The following KCND3 variants were observed in gnomAD, a reference collection of about 807,000 sequenced individuals.
The protein encoded by KCND3 is A-type voltage-gated potassium channel KCND3.
KCND3 carries 9 observed loss-of-function variants against 51.1 expected under a neutral mutation model. The ratio of observed to expected loss-of-function variants is 0.18; its 90% CI spans 0.11 to 0.31. The LOEUF (loss-of-function observed/expected upper bound fraction) is 0.31. Ranked by LOEUF, KCND3 falls within the 10% of genes least tolerant of loss-of-function variation. KCND3 has a pLI of 1.00. For synonymous variants in KCND3, 349 were observed against 368.0 expected (o/e 0.95, Z 0.59); for missense variants, 526 against 903.8 (o/e 0.58, Z 5.36).
intron 2 of KCND3, among the ~76,000 whole-genome samples, chr1:111,835,121 G>A (rs897087919): frequency 6.6e-6 from 1 of 152,310 alleles, no homozygotes; most frequent in Non-Finnish European, 1.5e-5. Flanking sequence ...AGCGCTGGGG[G>A]CCAGGGATCT....
chr1:111,866,682 G>C (rs2101703942), intron 2 of KCND3, among the ~76,000 whole-genome samples: 1 of 151,538 alleles, frequency 6.6e-6, no homozygotes, highest in South Asian at 2.1e-4. Context: ...CTGTAGTCCT[G>C]GTTACTCAGG....
chr1:111,872,745 G>T (rs945740502), intron 2 of KCND3, among the ~76,000 whole-genome samples: 1 of 152,138 alleles, frequency 6.6e-6, no homozygotes, highest in Non-Finnish European at 1.5e-5. Flanking sequence ...AAAAGAGGCC[G>T]TGAGAGAGAA....
At chr1:111,957,729 G>T (rs1673410947) in intron 2 of KCND3, among the ~76,000 whole-genome samples, 2 of 152,136 alleles carry the variant, frequency 1.3e-5, no homozygotes, top group African/African-American at 2.4e-5. Flanking sequence ...CCATGGCTGT[G>T]GGCCAGATCT....
intron 2 of KCND3, among the ~76,000 whole-genome samples, chr1:111,904,823 C>T (rs939445363): frequency 1.4e-4 from 22 of 152,222 alleles, no homozygotes; most frequent in Middle Eastern, 6.8e-3. Flanking sequence ...CACAGTGGAG[C>T]GGGGAGGGGA....
intron 2 of KCND3, among the ~76,000 whole-genome samples, chr1:111,960,407 C>T (rs1169918064): frequency 6.6e-6 from 1 of 152,232 alleles, no homozygotes; most frequent in Admixed American, 6.5e-5. Context: ...GTATTTAGCA[C>T]ATTCCTCCAA....
chr1:111,945,189 C>A (rs1325100418), intron 2 of KCND3, among the ~76,000 whole-genome samples: 2 of 152,212 alleles, frequency 1.3e-5, no homozygotes, highest in Non-Finnish European at 2.9e-5. Flanking sequence ...TCCTGCAGGG[C>A]AGATGATTTG....
intron 2 of KCND3, among the ~76,000 whole-genome samples, chr1:111,941,232 C>T (rs1055000864): frequency 2.0e-5 from 3 of 152,102 alleles, no homozygotes; most frequent in Non-Finnish European, 2.9e-5. Flanking sequence ...TGCTAGGCAC[C>T]CAGAAAAGCC....
intron 2 of KCND3, among the ~76,000 whole-genome samples, chr1:111,962,502 C>T (rs980860619): frequency 1.4e-4 from 21 of 152,152 alleles, no homozygotes; most frequent in African/African-American, 5.1e-4. Flanking sequence ...CACTACCTTC[C>T]CCAACCCCAA....
intron 2 of KCND3, among the ~76,000 whole-genome samples, chr1:111,926,263 A>G (rs1671692067): frequency 6.6e-6 from 1 of 152,230 alleles, no homozygotes. Flanking sequence ...GTGATGGTAC[A>G]TAAGAACAAC....
intron 2 of KCND3, among the ~76,000 whole-genome samples, chr1:111,938,549 G>A (rs1371062119): frequency 6.6e-6 from 1 of 152,192 alleles, no homozygotes; most frequent in Non-Finnish European, 1.5e-5. Flanking sequence ...GAAGGGGATA[G>A]AGACAGCGGC....
intron 2 of KCND3, among the ~76,000 whole-genome samples, chr1:111,832,364 T>C (rs1666873198): frequency 6.6e-6 from 1 of 152,180 alleles, no homozygotes; most frequent in South Asian, 2.1e-4. Flanking sequence ...TCTTCTTTTG[T>C]TCTTTTTCTG....
intron 2 of KCND3, among the ~76,000 whole-genome samples, chr1:111,793,115 T>G (rs1017298309): frequency 6.6e-6 from 1 of 151,452 alleles, no homozygotes; most frequent in African/African-American, 2.4e-5. Context: ...TCCTTCTATT[T>G]TGGCCTCTCA....
At chr1:111,912,972 T>TTA (rs1464537823) in intron 2 of KCND3, among the ~76,000 whole-genome samples, 1 of 152,198 alleles carries the variant, frequency 6.6e-6, no homozygotes, top group Non-Finnish European at 1.5e-5. Flanking sequence ...TGTACAATGT[T>TTA]TATAAAGTCC....
chr1:111,814,551 A>G lies in KCND3; in HGVS notation c.1107-27445T>C, dbSNP rs76431397. 2.0e-3 allele frequency among the ~76,000 whole-genome samples: 303 copies of G among 152,376 alleles called. 3 individuals are homozygous for G. Among genetic ancestry groups the G allele is most frequent in the African/African-American group, 6.6e-3 (275 of 41,584 alleles). On this transcript the variant is annotated intron_variant, in intron 2 of 7. Coordinates refer to ENST00000302127, the MANE Select transcript of KCND3 (RefSeq NM_001378969.1). ...GTGCTCGGTAGATACATGCACTGCC[A>G]GGGATTAACTGAGCGATGAGTAACT...
intron 2 of KCND3, among the ~76,000 whole-genome samples, chr1:111,918,904 T>G (rs1295982923): frequency 6.6e-6 from 1 of 151,886 alleles, no homozygotes; most frequent in African/African-American, 2.4e-5. Flanking sequence ...TTTTTACATC[T>G]TAAATGACTG....
intron 2 of KCND3, among the ~76,000 whole-genome samples, chr1:111,935,641 C>G (rs1444186838): frequency 6.6e-6 from 1 of 152,304 alleles, no homozygotes; most frequent in East Asian, 1.9e-4. Flanking sequence ...TTGCTGAACA[C>G]TCAAGTGTGC....
At chr1:111,856,226 G>A (rs540039905) in intron 2 of KCND3, among the ~76,000 whole-genome samples, 2 of 152,376 alleles carry the variant, frequency 1.3e-5, no homozygotes, top group African/African-American at 4.8e-5. Context: ...GGGCATGGAT[G>A]TGGGGTGGGG....
intron 2 of KCND3, among the ~76,000 whole-genome samples, chr1:111,827,754 C>G (rs1257528154): frequency 6.6e-6 from 1 of 152,184 alleles, no homozygotes; most frequent in Non-Finnish European, 1.5e-5. Flanking sequence ...TCACTTTGCT[C>G]TCTGCCCTCC....
At chr1:111,884,937 G>C (rs1354193556) in intron 2 of KCND3, among the ~76,000 whole-genome samples, 1 of 152,150 alleles carries the variant, frequency 6.6e-6, no homozygotes, top group African/African-American at 2.4e-5. Flanking sequence ...TGTGCATTGT[G>C]AAATGTTCAG....
Sources: gnomAD v4.1 joint callset for allele counts (sites outside exome capture counted in the v4.1 genomes callset) on GRCh38, gnomAD v4.1.1 for gene constraint, MANE v1.5 for transcripts, NCBI Gene and HGNC (gene_info 2026-07-23, HGNC 2026-07-21) for gene names.